PCDHA7: variants seen among roughly 807,000 people sequenced by gnomAD.
PCDHA7 encodes the protein protocadherin alpha 7, also known as protocadherin alpha-7.
A neutral mutation model predicts 57.2 loss-of-function variants in PCDHA7; 37 were observed. The ratio of observed to expected loss-of-function variants is 0.65; its 90% CI spans 0.50 to 0.85. The LOEUF is 0.85. Among genes scored for constraint, PCDHA7 ranks in the 40% least tolerant of loss-of-function variants. PCDHA7 has a pLI of 0.00. For missense variants in PCDHA7, 1,188 were observed against 1,241.8 expected (o/e 0.96, Z 0.65); for synonymous variants, 553 against 558.8 (o/e 0.99, Z 0.15).
At chr5:140,920,828 G>A (rs1482219421) in intron 1 of PCDHA7, among the ~76,000 whole-genome samples, 4 of 147,976 alleles carry the variant, frequency 2.7e-5, no homozygotes, top group African/African-American at 1.0e-4. Context: ...TGGCGACGGA[G>A]CAAGACCAAA....
intron 3 of PCDHA7, among the ~76,000 whole-genome samples, chr5:140,990,902 C>G (rs2097421729): frequency 6.6e-6 from 1 of 152,112 alleles, no homozygotes; most frequent in African/African-American, 2.4e-5. Flanking sequence ...GTTGCTGGGT[C>G]AAGTTTTATA....
intron 1 of PCDHA7, chr5:140,877,885 T>C: frequency 1.4e-6 from 2 of 1,463,874 alleles, no homozygotes; most frequent in Non-Finnish European, 1.8e-6. Flanking sequence ...CTTGAAGAAC[T>C]TCCGTTTAGG....
At chr5:140,920,749 C>T (rs145619239) in intron 1 of PCDHA7, among the ~76,000 whole-genome samples, 2 of 151,424 alleles carry the variant, frequency 1.3e-5, no homozygotes, top group Non-Finnish European at 2.9e-5. Context: ...GAGGCTGAGG[C>T]AGGAGAATTG....
At chr5:140,974,109 T>A (rs192229356) in intron 1 of PCDHA7, among the ~76,000 whole-genome samples, 366 of 152,368 alleles carry the variant, frequency 2.4e-3, no homozygotes, top group Non-Finnish European at 3.7e-3. Context: ...AAAAGTATTC[T>A]TTTGCAGTGT....
At chr5:140,998,405 G>C (rs144117915) in intron 3 of PCDHA7, among the ~76,000 whole-genome samples, 226 of 152,208 alleles carry the variant, frequency 1.5e-3, no homozygotes, top group African/African-American at 5.2e-3. Flanking sequence ...TTATGCCAAA[G>C]TTTATCTACC....
chr5:140,890,772 C>T (rs2062796545), intron 1 of PCDHA7, among the ~76,000 whole-genome samples: 1 of 152,118 alleles, frequency 6.6e-6, no homozygotes, highest in South Asian at 2.1e-4. Context: ...TATTTTAAAA[C>T]CCCATAAGAT....
At chr5:140,862,901 C>CA in intron 1 of PCDHA7, 2 of 551,296 alleles carry the variant, frequency 3.6e-6, no homozygotes, top group Non-Finnish European at 3.5e-6. Context: ...ACTTTGTCTG[C>CA]GCTGCTGGCG....
chr5:141,002,679 G>A (rs1554258764), intron 3 of PCDHA7, among the ~76,000 whole-genome samples: 1 of 152,134 alleles, frequency 6.6e-6, no homozygotes, highest in Non-Finnish European at 1.5e-5. Context: ...AAACCTATAC[G>A]ACGTGCAGAT....
intron 1 of PCDHA7, chr5:140,875,324 C>T (rs2055413972): frequency 3.5e-6 from 5 of 1,426,162 alleles, no homozygotes; most frequent in East Asian, 5.0e-5. Context: ...CAATCATTCA[C>T]GGAATAGGAT....
At chr5:140,839,763 C>A (rs1052190502) in intron 1 of PCDHA7, among the ~76,000 whole-genome samples, 1 of 151,896 alleles carries the variant, frequency 6.6e-6, no homozygotes, top group Non-Finnish European at 1.5e-5. Flanking sequence ...ATTTAACCTA[C>A]GTTTTTGGTA....
chr5:140,963,927 T>C (rs1439271741), intron 1 of PCDHA7, among the ~76,000 whole-genome samples: 1 of 152,220 alleles, frequency 6.6e-6, no homozygotes, highest in East Asian at 1.9e-4. Context: ...AAGTAACATG[T>C]CCATAGCCAA....
intron 1 of PCDHA7, among the ~76,000 whole-genome samples, chr5:140,919,658 T>C (rs1271844986): frequency 2.0e-5 from 3 of 152,230 alleles, no homozygotes; most frequent in Non-Finnish European, 2.9e-5. Context: ...GTTTACCATA[T>C]ATATTTTAGC....
intron 1 of PCDHA7, among the ~76,000 whole-genome samples, chr5:140,947,079 C>T (rs2094082344): frequency 6.6e-6 from 1 of 151,398 alleles, no homozygotes; most frequent in Non-Finnish European, 1.5e-5. Context: ...TGTATTGAAA[C>T]ATCAGACTGT....
intron 1 of PCDHA7, chr5:140,865,192 A>G (rs1306002523): frequency 6.6e-6 from 1 of 152,218 alleles, no homozygotes; most frequent in Admixed American, 6.5e-5. Context: ...CCTTCACACC[A>G]TATTAATGTG....
At chr5:140,928,204 G>A (rs1554205615) in intron 1 of PCDHA7, 4 of 1,614,236 alleles carry the variant, frequency 2.5e-6, no homozygotes, top group Middle Eastern at 1.6e-4. Flanking sequence ...AGTTGCTGAT[G>A]TGAATGACAA....
In PCDHA7 at chr5:140,840,812, T is replaced by A. The variant is rs147965957; in HGVS notation, c.2355+4074T>A. On this transcript the variant is annotated intron_variant, in intron 1 of 3. Transcript: ENST00000525929. ...CTCACCTCAGAGTAATATATACCAG[T>A]GTTTCTGGTGACCAAATAAATATTA... 9.5e-4 allele frequency among the ~76,000 whole-genome samples: 144 copies of A among 152,170 alleles called. 3 individuals carry two copies. The highest frequency in any genetic ancestry group is 3.3e-3 in the African/African-American group (139 of 41,494).
chr5:140,943,006 C>G (rs1314561126), intron 1 of PCDHA7, among the ~76,000 whole-genome samples: 1 of 151,932 alleles, frequency 6.6e-6, no homozygotes, highest in East Asian at 1.9e-4. Context: ...CCTGTAATCC[C>G]AGCACTTTGG....
chr5:140,963,861 G>A (rs2095794580), intron 1 of PCDHA7, among the ~76,000 whole-genome samples: 1 of 152,172 alleles, frequency 6.6e-6, no homozygotes, highest in Admixed American at 6.5e-5. Flanking sequence ...ATAACCGTAT[G>A]AGTTTTGCTT....
chr5:140,931,659 G>A (rs1554208521), intron 1 of PCDHA7, among the ~76,000 whole-genome samples: 1 of 151,694 alleles, frequency 6.6e-6, no homozygotes, highest in Non-Finnish European at 1.5e-5. Flanking sequence ...GTTGTGGGCT[G>A]GATATTTCCT....
Sources: allele counts gnomAD v4.1 joint callset (sites outside exome capture counted in the v4.1 genomes callset), GRCh38; gene constraint gnomAD v4.1.1; transcripts MANE v1.5; gene names NCBI Gene and HGNC (gene_info 2026-07-23, HGNC 2026-07-21).